The following NELL1 variants were observed in gnomAD, a reference collection of about 807,000 sequenced individuals.
NELL1 encodes protein kinase C-binding protein NELL1.
A neutral mutation model predicts 107.4 loss-of-function variants in NELL1; 76 were observed. That is an observed-to-expected ratio of 0.71 (90% CI 0.59 to 0.86). NELL1 has a LOEUF of 0.86. NELL1 is among the 40% of genes least tolerant of loss of function. NELL1 has a pLI of 0.00. For missense variants in NELL1, 1,024 were observed against 1,005.5 expected (o/e 1.02, Z -0.25); for synonymous variants, 353 against 341.2 (o/e 1.03, Z -0.38).
chr11:21,291,426 AT>A (rs60752736), intron 14 of NELL1, among the ~76,000 whole-genome samples: 64,981 of 151,526 alleles, frequency 0.43, 14,168 homozygotes, highest in South Asian at 0.65. Context: ...TGAGATGATA[AT>A]TAATAGACTA....
chr11:21,141,939 T>C (rs1855878879), intron 13 of NELL1, among the ~76,000 whole-genome samples: 1 of 152,062 alleles, frequency 6.6e-6, no homozygotes, highest in Non-Finnish European at 1.5e-5. Flanking sequence ...AATTTTGGTA[T>C]TTTTAGTACA....
chr11:20,863,761 G>T (rs1426353071), intron 4 of NELL1, among the ~76,000 whole-genome samples: 2 of 152,188 alleles, frequency 1.3e-5, no homozygotes, highest in Admixed American at 6.5e-5. Context: ...GCAGGCGGCT[G>T]GGAGGTGGAG....
rs143468985 is a variant in NELL1, at chr11:21,375,050, T to C, written c.1645+4102T>C. ...TCCTAATGTGTGTTCTTAATCCTTT[T>C]TTCAACTTTTATTTTAGATTCAGGA... On this transcript the variant is annotated intron_variant, in intron 15 of 19. Transcript: ENST00000357134. 6.5e-3 allele frequency among the ~76,000 whole-genome samples: 989 copies of C among 152,114 alleles called. 29 individuals are homozygous for C. Among genetic ancestry groups the C allele is most frequent in the Admixed American group, 0.054 (817 of 15,242 alleles).
intron 13 of NELL1, among the ~76,000 whole-genome samples, chr11:21,130,762 T>C (rs1339209109): frequency 6.6e-6 from 1 of 152,142 alleles, no homozygotes; most frequent in Non-Finnish European, 1.5e-5. Flanking sequence ...CGAAGGTCAG[T>C]ATTTTGTATT....
chr11:20,784,217 C>T (rs1476136149), intron 3 of NELL1, among the ~76,000 whole-genome samples: 1 of 151,974 alleles, frequency 6.6e-6, no homozygotes, highest in Non-Finnish European at 1.5e-5. Context: ...ATCTTCATCG[C>T]AAAGATCACA....
intron 14 of NELL1, among the ~76,000 whole-genome samples, chr11:21,277,662 G>A (rs1219693517): frequency 2.0e-5 from 3 of 152,124 alleles, no homozygotes; most frequent in Non-Finnish European, 4.4e-5. Flanking sequence ...ATACCCATCA[G>A]TGATAGACTG....
At chr11:20,768,252 G>A (rs182756028) in intron 2 of NELL1, among the ~76,000 whole-genome samples, 147 of 152,334 alleles carry the variant, frequency 9.6e-4, no homozygotes, top group African/African-American at 3.4e-3. Context: ...CCAAGGTTAT[G>A]TATAGGTCCA....
chr11:21,542,883 A>T (rs1306614898), intron 16 of NELL1, among the ~76,000 whole-genome samples: 1 of 152,124 alleles, frequency 6.6e-6, no homozygotes, highest in Non-Finnish European at 1.5e-5. Context: ...TAGTTATCAA[A>T]GATGTTCATA....
intron 3 of NELL1, among the ~76,000 whole-genome samples, chr11:20,822,620 G>T (rs1163225430): frequency 6.6e-6 from 1 of 152,140 alleles, no homozygotes; most frequent in African/African-American, 2.4e-5. Flanking sequence ...GATTTTGACA[G>T]TTCACCAGTG....
intron 12 of NELL1, among the ~76,000 whole-genome samples, chr11:20,998,854 G>T (rs1363266986): frequency 2.0e-5 from 3 of 152,152 alleles, no homozygotes; most frequent in Non-Finnish European, 2.9e-5. Flanking sequence ...TTACATTCAT[G>T]TAAAAATTGC....
At chr11:21,526,157 G>C (rs1324731476) in intron 15 of NELL1, among the ~76,000 whole-genome samples, 19 of 152,070 alleles carry the variant, frequency 1.2e-4, no homozygotes, top group Non-Finnish European at 1.5e-5. Context: ...CACTAATGTG[G>C]GAGAAATGGC....
At position 21,529,243 on chromosome 11, in the gene NELL1, A is replaced by G. The variant is rs1591009809; in HGVS notation, c.1646-5131A>G. On this transcript the variant is annotated intron_variant, in intron 15 of 19. Transcript: ENST00000357134. The stretch of plus-strand genomic sequence containing the variant: ...ATTGGCCTGTAGTGAGCAGGTAGAA[A>G]TATTCTGGAGGATCATATTAGGCAT... Among the ~76,000 whole-genome samples, 3 of 152,222 alleles carry G rather than the reference A, an allele frequency of 2.0e-5. No individual in the cohort carries two copies. The South Asian group carries it at 6.2e-4, about 32-fold the overall frequency.
chr11:21,131,436 A>G (rs1305121377), intron 13 of NELL1, among the ~76,000 whole-genome samples: 1 of 152,190 alleles, frequency 6.6e-6, no homozygotes, highest in Non-Finnish European at 1.5e-5. Context: ...CTAACATACT[A>G]CATAGCCTCA....
chr11:21,239,445 G>GT (rs1237957890), intron 14 of NELL1, among the ~76,000 whole-genome samples: 2 of 152,068 alleles, frequency 1.3e-5, no homozygotes, highest in African/African-American at 4.8e-5. Flanking sequence ...AGTGTGGCAT[G>GT]TGCTCTTGAG....
chr11:20,934,764 C>T (rs1490618304), intron 9 of NELL1, among the ~76,000 whole-genome samples: 1 of 152,204 alleles, frequency 6.6e-6, no homozygotes, highest in Non-Finnish European at 1.5e-5. Context: ...ATTTATTAGA[C>T]AGGAATTCCA....
chr11:21,306,185 G>A (rs551348198), intron 14 of NELL1, among the ~76,000 whole-genome samples: 2 of 151,798 alleles, frequency 1.3e-5, no homozygotes, highest in African/African-American at 2.4e-5. Context: ...AGAATTCTAC[G>A]TACACAAAAA....
At chr11:21,004,931 A>T (rs1416166705) in intron 12 of NELL1, among the ~76,000 whole-genome samples, 1 of 152,164 alleles carries the variant, frequency 6.6e-6, no homozygotes, top group Non-Finnish European at 1.5e-5. Flanking sequence ...AATTTTTTCT[A>T]TACCTGTCTT....
chr11:21,521,024 G>T (rs10766829), intron 15 of NELL1, among the ~76,000 whole-genome samples: 77,416 of 152,018 alleles, frequency 0.51, 20,487 homozygotes, highest in Non-Finnish European at 0.58. Context: ...CCCTATTCTG[G>T]GGGTAGGACC....
intron 13 of NELL1, among the ~76,000 whole-genome samples, chr11:21,140,311 A>G (rs1335936060): frequency 6.6e-6 from 1 of 152,242 alleles, no homozygotes; most frequent in Non-Finnish European, 1.5e-5. Flanking sequence ...CACATGTTGT[A>G]CAAAGCCTAA....
Sources: allele counts gnomAD v4.1 joint callset (sites outside exome capture counted in the v4.1 genomes callset), GRCh38; gene constraint gnomAD v4.1.1; transcripts MANE v1.5; gene names NCBI Gene and HGNC (gene_info 2026-07-23, HGNC 2026-07-21).